Variants in TPM2 observed in about 807,000 individuals in gnomAD.
TPM2 encodes the protein tropomyosin beta chain.
Under a neutral mutation model 41.0 loss-of-function variants are expected in TPM2, and 26 were observed. That is an observed-to-expected ratio of 0.63 (90% CI 0.46 to 0.88). The LOEUF (loss-of-function observed/expected upper bound fraction) is 0.88. Ranked by LOEUF, TPM2 falls within the 40% of genes least tolerant of loss-of-function variation. TPM2 has a pLI of 0.00. For synonymous variants in TPM2, 143 were observed against 139.3 expected, an observed-to-expected ratio of 1.03 and a Z score of -0.19; for missense variants, 187 against 355.2, an observed-to-expected ratio of 0.53 and a Z score of 3.81.
chr9:35,689,252 G>T lies in TPM2; in HGVS notation c.134C>A (p.Ala45Asp). Residue 45 changes from alanine (A) to aspartate (D), a missense_variant, in exon 2 of 9, where the codon GCC (alanine) becomes GAC (aspartate). Coordinates refer to ENST00000645482, the MANE Select transcript of TPM2 (RefSeq NM_003289.4). ...RCKQLEEEQQ[A>D]LQKKLKGTED... ...TGTCCCCTTCAGCTTCTTCTGGAGG[G>T]CCTGCTGCTCCTCCTCCAGCTGGGA... 4.3e-6 allele frequency: 7 copies of T among 1,614,188 alleles called. No homozygotes were observed. The highest frequency in any genetic ancestry group is 2.2e-5 in the South Asian group (2 of 91,086).
upstream of TPM2, chr9:35,689,959 G>T (rs1825166266): frequency 1.5e-5 from 23 of 1,554,676 alleles, no homozygotes; most frequent in Admixed American, 3.6e-5. Context: ...CCTAAAAGGC[G>T]GGGAGGGACC....
In TPM2 at chr9:35,685,894, T is replaced by C; in HGVS notation, c.241-114A>G. The C allele has an allele frequency of 2.6e-6, 4 of 1,539,048 alleles. No homozygotes were observed. Among genetic ancestry groups the C allele is most frequent in the Non-Finnish European group, 3.6e-6 (4 of 1,121,572 alleles). On this transcript the variant is annotated intron_variant, in intron 2 of 8. Transcript: ENST00000645482. The surrounding 1 kb of genome is among the most constrained non-coding windows in gnomAD (Gnocchi z 5.0). ...GAAAGAACTGAGGCTTCCTGGTTTC[T>C]AGACATTCTATGTGATTTTTCCCCA...
In TPM2 at chr9:35,685,137, C is replaced by T. The variant is rs3208329; in HGVS notation, c.563+132G>A. ...AAGTTCCTCCTCCAGCTGTCTGGCT[C>T]GGCTGGGGGCAGCGGGCAGGGGTCA... On this transcript the variant is annotated intron_variant, in intron 5 of 8. Transcript: ENST00000645482. This position sits in a 1 kb window ranked among gnomAD's most constrained non-coding sequence, Gnocchi z 5.0. 1.7e-5 allele frequency: 28 copies of T among 1,614,092 alleles called. No homozygotes were observed. Among genetic ancestry groups the T allele is most frequent in the South Asian group, 6.6e-5 (6 of 91,072 alleles).
intron 2 of TPM2, among the ~76,000 whole-genome samples, chr9:35,686,931 A>G (rs895063998): frequency 6.6e-6 from 1 of 152,210 alleles, no homozygotes; most frequent in Non-Finnish European, 1.5e-5. Flanking sequence ...GCGCCAGTAA[A>G]GGAAAATGAG....
chr9:35,689,564 G>T, intron 1 of TPM2, 140 bp downstream of exon 1: 1 of 1,487,358 alleles, frequency 6.7e-7, no homozygotes, highest in Non-Finnish European at 9.1e-7. Context: ...CGAAGGCCCT[G>T]AGGGTACTGC....
chr9:35,689,443 A>G, intron 1 of TPM2, 172 bp from the exon 2 acceptor site: 1 of 956,934 alleles, frequency 1.0e-6, no homozygotes, highest in Non-Finnish European at 1.2e-6. Context: ...GAGGGTACAG[A>G]GAAAACTTCA....
chr9:35,684,265 T>C lies in TPM2; in HGVS notation c.753A>G (p.Lys251=). The change falls in exon 8 of 9, where the codon AAA becomes AAG. Residue 251 remains lysine, a synonymous_variant. Transcript: ENST00000645482. ...FAERSVAKLE[K]TIDDLEDEVY... ...TTTTACCTTCTAGGTCATCGATGGTTTTCTCCAACTTTGCCACAGACCTCT... is the reference window on the plus strand; with the variant it reads ...TTTTACCTTCTAGGTCATCGATGGTCTTCTCCAACTTTGCCACAGACCTCT... 1 of 1,614,152 alleles carries C rather than the reference T, an allele frequency of 6.2e-7. No individual in the cohort carries two copies. The highest frequency in any genetic ancestry group is 8.5e-7 in the Non-Finnish European group (1 of 1,180,030).
chr9:35,684,808 C>T lies in TPM2; in HGVS notation c.564-1G>A. The T allele has an allele frequency of 6.3e-7, 1 of 1,588,246 alleles. No individual in the cohort carries two copies. ...CTCCTCCTCTAGGTCCCCACATTTACTGCAGGGGGTGTGTGGCGGGGGGGG... is the reference window on the plus strand; with the variant it reads ...CTCCTCCTCTAGGTCCCCACATTTATTGCAGGGGGTGTGTGGCGGGGGGGG... On this transcript the variant is annotated splice_acceptor_variant, in intron 5 of 8. Coordinates refer to ENST00000645482, the MANE Select transcript of TPM2 (RefSeq NM_003289.4). LOFTEE classifies it high-confidence loss of function.
At position 35,689,333 on chromosome 9, in the gene TPM2, C is replaced by T; in HGVS notation, c.115-62G>A. ...GGGGCCCAGGCCCAGAATGGAGACGCGGTGTGTGTAGGGGCGCTACTAAGA... is the reference window on the plus strand; with the variant it reads ...GGGGCCCAGGCCCAGAATGGAGACGTGGTGTGTGTAGGGGCGCTACTAAGA... On this transcript the variant is annotated intron_variant, in intron 1 of 8. Coordinates refer to ENST00000645482, the MANE Select transcript of TPM2 (RefSeq NM_003289.4). 5 of 1,608,714 alleles carry T rather than the reference C, an allele frequency of 3.1e-6. No individual in the cohort carries two copies. In the Admixed American group the frequency reaches 8.4e-5, roughly 27 times the overall value.
chr9:35,684,132 G>T, intron 8 of TPM2, 114 bp downstream of exon 8: 1 of 1,029,752 alleles, frequency 9.7e-7, no homozygotes, highest in Non-Finnish European at 1.5e-6. Context: ...GAGTTGGTAG[G>T]GTCCTAGGTG....
upstream of TPM2, chr9:35,689,992 C>T (rs1283882606): frequency 8.2e-6 from 12 of 1,464,092 alleles, no homozygotes; most frequent in Non-Finnish European, 1.1e-5. Context: ...CAACCAGGAC[C>T]CTCCCCCACC....
intron 2 of TPM2, among the ~76,000 whole-genome samples, chr9:35,688,743 C>G (rs1417814486): frequency 6.6e-6 from 1 of 152,166 alleles, no homozygotes; most frequent in East Asian, 1.9e-4. Flanking sequence ...CCCTCTCCCT[C>G]CTCCTGCAGG....
chr9:35,682,041 G>T (rs750034067), downstream of TPM2: 5 of 1,602,978 alleles, frequency 3.1e-6, no homozygotes, highest in Non-Finnish European at 4.3e-6. Flanking sequence ...TTATTGGGTT[G>T]GGGTGGCAAC....
At position 35,689,746 on chromosome 9, in the gene TPM2, C is replaced by A. The variant is rs1192714530; in HGVS notation, c.72G>T (p.Gln24His). The A allele has an allele frequency of 6.2e-7, 1 of 1,613,820 alleles. No individual in the cohort carries two copies. The change falls in exon 1 of 9, where the codon CAG becomes CAT. Residue 24 changes from glutamine to histidine, a missense_variant. Transcript: ENST00000645482. ...CAGCTTGCTTCTTGTCGGCTTCGGC[C>A]TGCTCGGCGCGGTCGATGGCGTTCT... ...DKENAIDRAE[Q>H]AEADKKQAED... is the part of the protein sequence containing the mutation.
chr9:35,683,001 G>T lies in TPM2; in HGVS notation c.*158C>A. 1.3e-6 allele frequency: 2 copies of T among 1,540,084 alleles called. No homozygotes were observed. Among genetic ancestry groups the T allele is most frequent in the Non-Finnish European group, 1.8e-6 (2 of 1,140,648 alleles). ...TAGGTAAAGGATGAAGCCAGTGCCA[G>T]AGTGGGTGGTGGGCATGATGGGGGC... On this transcript the variant is annotated 3_prime_UTR_variant, in exon 9 of 9. Coordinates refer to ENST00000645482, the MANE Select transcript of TPM2 (RefSeq NM_003289.4).
intron 6 of TPM2, 79 bp downstream of exon 6, chr9:35,684,653 C>G: frequency 6.2e-7 from 1 of 1,613,432 alleles, no homozygotes; most frequent in African/African-American, 1.3e-5. Context: ...CGTTGAACAC[C>G]CAGCCCCTCC....
rs1264153958 is a variant in TPM2 at position 35,685,674 on chromosome 9, G to GC, written c.346dup (p.Ala116GlyfsTer6). 6.2e-7 allele frequency: 1 copy of GC among 1,613,938 alleles called. No individual in the cohort carries two copies. The highest frequency in any genetic ancestry group is 8.5e-7 in the Non-Finnish European group (1 of 1,180,020). ...CTCGCTCTCATCAGCCGCCTTCTCG[G>GC]CCTCCTCCAGCTTCTGCAGGGCTGT... On this transcript the variant is annotated frameshift_variant, in exon 3 of 9. Transcript: ENST00000645482. LOFTEE classifies it high-confidence loss of function. The surrounding 1 kb of genome is among the most constrained non-coding windows in gnomAD (Gnocchi z 5.0).
chr9:35,682,120 CTGG>C, downstream of TPM2: 1 of 1,614,124 alleles, frequency 6.2e-7, no homozygotes, highest in Non-Finnish European at 8.5e-7. Context: ...GGTCCAAGGT[CTGG>C]TGAATCTCGA....
intron 2 of TPM2, chr9:35,686,475 A>G (rs1222234124): frequency 6.5e-6 from 1 of 154,100 alleles, no homozygotes; most frequent in East Asian, 1.9e-4. Flanking sequence ...AATCAGGCCA[A>G]CCAGACATCA....
Sources: gnomAD v4.1 joint callset for allele counts (sites outside exome capture counted in the v4.1 genomes callset) on GRCh38, gnomAD v4.1.1 for gene constraint, Gnocchi (gnomAD v3.1) non-coding constraint, MANE v1.5 for transcripts, NCBI Gene and HGNC (gene_info 2026-07-23, HGNC 2026-07-21) for gene names.